The following KALRN variants were observed in gnomAD, a reference collection of about 807,000 sequenced individuals.
KALRN encodes kalirin.
In KALRN, 70 loss-of-function variants were observed where a neutral mutation model predicts 353.7. The ratio of observed to expected loss-of-function variants is 0.20; its 90% CI spans 0.16 to 0.24. The LOEUF (loss-of-function observed/expected upper bound fraction) is 0.24. Among genes scored for constraint, KALRN ranks in the 10% least tolerant of loss-of-function variants. The probability of loss-of-function intolerance (pLI) is 1.00; values close to 1 mark genes in which losing one functional copy is unlikely to be tolerated. For synonymous variants in KALRN, 1,391 were observed against 1,434.8 expected, an observed-to-expected ratio of 0.97 and a Z score of 0.69; for missense variants, 2,791 against 3,756.7, an observed-to-expected ratio of 0.74 and a Z score of 6.72.
At chr3:124,541,913 A>AT (rs35813839) in intron 33 of KALRN, among the ~76,000 whole-genome samples, 1 of 150,808 alleles carries the variant, frequency 6.6e-6, no homozygotes. Flanking sequence ...AGCCCAGATC[A>AT]TTTTTTTGCC....
intron 52 of KALRN, among the ~76,000 whole-genome samples, 192 bp downstream of exon 52, chr3:124,694,023 A>C (rs1578988702): frequency 6.6e-6 from 1 of 152,250 alleles, no homozygotes; most frequent in East Asian, 1.9e-4. Context: ...TCCAAGTTTT[A>C]TAAGAAGTCT....
chr3:124,616,828 G>C (rs1488283179), intron 34 of KALRN, among the ~76,000 whole-genome samples: 1 of 152,018 alleles, frequency 6.6e-6, no homozygotes, highest in Non-Finnish European at 1.5e-5. Flanking sequence ...AGCCGGACAT[G>C]GTGGCCGGCG....
chr3:124,189,900 C>T (rs2074692785), intron 1 of KALRN, among the ~76,000 whole-genome samples: 1 of 146,904 alleles, frequency 6.8e-6, no homozygotes, highest in South Asian at 2.2e-4. Flanking sequence ...GATTGCGCCA[C>T]TGCACTCCAG....
At chr3:124,280,118 G>T (rs2075191021) in intron 5 of KALRN, among the ~76,000 whole-genome samples, 1 of 152,260 alleles carries the variant, frequency 6.6e-6, no homozygotes, top group South Asian at 2.1e-4. Context: ...AAATGGTTCA[G>T]GTCTTGCCAG....
chr3:124,580,947 A>AAATAATAATAGTAATAAT (rs71145458), intron 34 of KALRN, among the ~76,000 whole-genome samples: 2,933 of 147,564 alleles, frequency 0.02, 35 homozygotes, highest in Non-Finnish European at 0.024. Context: ...GTCTCTATTA[A>AAATAATAATAGTAATAAT]AATAATAATA....
intron 8 of KALRN, among the ~76,000 whole-genome samples, chr3:124,333,293 GA>G (rs2080792507): frequency 6.6e-6 from 1 of 152,308 alleles, no homozygotes; most frequent in East Asian, 1.9e-4. Flanking sequence ...TGATGATGAT[GA>G]AGATAAAATT....
chr3:124,620,159 G>T (rs535842994), intron 34 of KALRN, among the ~76,000 whole-genome samples: 2 of 152,160 alleles, frequency 1.3e-5, no homozygotes, highest in South Asian at 4.2e-4. Context: ...GGAGTGCAGT[G>T]GTGGAATCAC....
intron 1 of KALRN, among the ~76,000 whole-genome samples, chr3:124,204,428 A>G (rs1203216215): frequency 6.6e-6 from 1 of 152,208 alleles, no homozygotes; most frequent in Non-Finnish European, 1.5e-5. Context: ...CATGGGGATT[A>G]TTCTCCACAT....
At chr3:124,163,437 G>A (rs114193745) in intron 1 of KALRN, 357 of 183,226 alleles carry the variant, frequency 1.9e-3, no homozygotes, top group African/African-American at 7.8e-3. Flanking sequence ...CAGAGACGAG[G>A]TCCTAAGGTA....
intron 3 of KALRN, among the ~76,000 whole-genome samples, chr3:124,240,457 C>T (rs897913037): frequency 5.9e-5 from 9 of 152,266 alleles, no homozygotes; most frequent in South Asian, 2.1e-4. Flanking sequence ...GGAAACAGCA[C>T]GGAGGGGAAA....
chr3:124,406,233 T>C (rs1196231700), intron 13 of KALRN, among the ~76,000 whole-genome samples: 1 of 152,232 alleles, frequency 6.6e-6, no homozygotes, highest in Non-Finnish European at 1.5e-5. Flanking sequence ...AGAGAGATTA[T>C]ACATATTACT....
rs746500061 is a variant in KALRN, at chr3:124,446,717, T to G, written c.3430-46T>G. ...ATTGTAGTATGGCATGTTTTCCTAC[T>G]GACAGCTGCCTTTTTGGGGACTGGA... On this transcript the variant is annotated intron_variant, in intron 20 of 59. Transcript: ENST00000682506. The G allele has an allele frequency of 7.4e-6, 12 of 1,612,346 alleles. No individual in the cohort carries two copies. The South Asian group carries it at 1.3e-4, about 18-fold the overall frequency.
intron 10 of KALRN, among the ~76,000 whole-genome samples, chr3:124,362,307 A>G (rs1196090551): frequency 6.6e-6 from 1 of 152,234 alleles, no homozygotes; most frequent in South Asian, 2.1e-4. Flanking sequence ...GTTCAGAATA[A>G]ATTTTTAACA....
chr3:124,565,999 T>C (rs1008790040), intron 34 of KALRN, among the ~76,000 whole-genome samples: 1 of 152,170 alleles, frequency 6.6e-6, no homozygotes, highest in Non-Finnish European at 1.5e-5. Context: ...CATAGAACTT[T>C]CCAGCTAATT....
chr3:124,455,142 G>A (rs376854505), intron 21 of KALRN, 35 bp from the exon 22 acceptor site: 37 of 1,610,646 alleles, frequency 2.3e-5, no homozygotes, highest in Non-Finnish European at 2.2e-5. Context: ...GAGAATAAAT[G>A]TAATCCAGTA....
chr3:124,286,082 C>CCTTTCTTTCTTTCTTTCTTT (rs55864207), intron 5 of KALRN, among the ~76,000 whole-genome samples: 1,840 of 102,208 alleles, frequency 0.018, 42 homozygotes, highest in African/African-American at 0.023. Flanking sequence ...TTCTTTCCTT[C>CCTTTCTTTCTTTCTTTCTTT]CTTTCTTTCT....
intron 33 of KALRN, among the ~76,000 whole-genome samples, chr3:124,503,271 C>T (rs1455354686): frequency 3.9e-5 from 6 of 152,158 alleles, no homozygotes; most frequent in African/African-American, 1.2e-4. Context: ...GAAGTCTAAA[C>T]TTGGGCTTTA....
intron 1 of KALRN, among the ~76,000 whole-genome samples, chr3:124,091,170 GT>G (rs1055569742): frequency 6.6e-6 from 1 of 152,200 alleles, no homozygotes; most frequent in African/African-American, 2.4e-5. Flanking sequence ...CTGCTGGAGT[GT>G]TTGATTCATG....
chr3:124,227,575 T>G (rs558494105), intron 1 of KALRN, among the ~76,000 whole-genome samples: 2 of 152,072 alleles, frequency 1.3e-5, no homozygotes, highest in Admixed American at 6.5e-5. Flanking sequence ...GTGCTGAGTA[T>G]GTTCAAGACA....
Sources: gnomAD v4.1 joint callset for allele counts (sites outside exome capture counted in the v4.1 genomes callset) on GRCh38, gnomAD v4.1.1 for gene constraint, MANE v1.5 for transcripts, NCBI Gene and HGNC (gene_info 2026-07-23, HGNC 2026-07-21) for gene names.